Variants in ADPRM observed in about 807,000 individuals in gnomAD.
The protein encoded by ADPRM is ADP-ribose/CDP-alcohol diphosphatase, manganese dependent.
In ADPRM, 17 loss-of-function variants were observed where a neutral mutation model predicts 27.2. The ratio of observed to expected loss-of-function variants is 0.63; its 90% CI spans 0.43 to 0.94. The LOEUF (loss-of-function observed/expected upper bound fraction) is 0.94. Among genes scored for constraint, ADPRM ranks in the 40% least tolerant of loss-of-function variants. The pLI is 0.00. For missense variants in ADPRM, 337 were observed against 412.8 expected (o/e 0.82, Z 1.59); for synonymous variants, 135 against 145.3 (o/e 0.93, Z 0.51).
intron 3 of ADPRM, 63 bp from the exon 4 acceptor site, chr17:10,710,771 T>G: frequency 6.8e-7 from 1 of 1,478,324 alleles, no homozygotes; most frequent in Non-Finnish European, 9.2e-7. Context: ...CTTTTAGCCA[T>G]TTATTTTTAT....
chr17:10,706,592 G>A, intron 3 of ADPRM, 38 bp downstream of exon 3: 1 of 1,421,270 alleles, frequency 7.0e-7, no homozygotes, highest in East Asian at 2.6e-5. Flanking sequence ...TAACATTTTA[G>A]AGATTGGGAA....
chr17:10,699,518 C>CTTTTTTTTTTTTTTTTTTTTTTTT (rs781412834), intron 1 of ADPRM, among the ~76,000 whole-genome samples: 3 of 113,340 alleles, frequency 2.6e-5, no homozygotes, highest in African/African-American at 1.0e-4. Flanking sequence ...TCTTTTCTTT[C>CTTTTTTTTTTTTTTTTTTTTTTTT]TTTTTTTTTT....
In ADPRM at chr17:10,705,494, C is replaced by T; in HGVS notation, c.568C>T (p.His190Tyr). 6.2e-7 allele frequency: 1 copy of T among 1,613,768 alleles called. No homozygotes were observed. ...GCAGTGTATGAAGATATTGAGGGAG[C>T]ACAATCCAAATACGGAACTGAATAG... Reference protein sequence around the residue: ...YEQCMKILREHNPNTELNSPQ... With the variant: ...YEQCMKILREYNPNTELNSPQ... The change falls in exon 2 of 4, where the codon CAC becomes TAC. Residue 190 changes from histidine to tyrosine, a missense_variant. Transcript: ENST00000379774. The surrounding 1 kb of genome is among the most constrained non-coding windows in gnomAD (Gnocchi z 5.4).
Position 10,705,670 on chromosome 17 carries a change from A to G in ADPRM, c.601+143A>G. On this transcript the variant is annotated intron_variant, in intron 2 of 3. Transcript: ENST00000379774. The surrounding 1 kb of genome is among the most constrained non-coding windows in gnomAD (Gnocchi z 5.4). ...CAGGATTTCTCACAAGCCTTCTCAC[A>G]TGGATTGGTTACAGTTGATTCAAGA... The G allele has an allele frequency of 7.7e-7, 1 of 1,293,882 alleles. No homozygotes were observed. The highest frequency in any genetic ancestry group is 1.5e-5 in the South Asian group (1 of 64,718). The allele number at this position is 1,293,882 out of a possible 1,614,324, so 80.2% of individuals were successfully genotyped here.
chr17:10,698,565 A>G (rs1226477886), intron 1 of ADPRM, among the ~76,000 whole-genome samples: 3 of 152,044 alleles, frequency 2.0e-5, no homozygotes, highest in Admixed American at 6.6e-5. Flanking sequence ...CCCCCATGGG[A>G]CCGACTCTGA....
chr17:10,697,595 T>C lies in ADPRM; in HGVS notation c.-90T>C, dbSNP rs2074741827. The C allele has an allele frequency of 2.0e-6, 3 of 1,516,012 alleles. No homozygotes were observed. Among genetic ancestry groups the C allele is most frequent in the Non-Finnish European group, 2.7e-6 (3 of 1,102,500 alleles). The allele number at this position is 1,516,012 out of a possible 1,614,324, so 93.9% of individuals were successfully genotyped here. ...CCGGAAGTCGGAAGGAGTCGCTCTG[T>C]CCGTCCCGCTCGTTGGTGGCGCTGT... is the stretch of plus-strand genomic sequence containing the variant. On this transcript the variant is annotated 5_prime_UTR_variant, in exon 1 of 4. Coordinates refer to ENST00000379774, the MANE Select transcript of ADPRM (RefSeq NM_020233.5).
intron 3 of ADPRM, among the ~76,000 whole-genome samples, chr17:10,708,301 C>T (rs577153887): frequency 1.5e-4 from 22 of 151,580 alleles, no homozygotes; most frequent in Admixed American, 7.2e-4. Context: ...TGGTGGCAGG[C>T]GCCTGTAATC....
In ADPRM at chr17:10,702,968, A is replaced by C. The variant is rs2151462512; in HGVS notation, c.-17-1942A>C. Reference sequence around the variant, plus strand: ...ACATATTATCACCATAAAGGCTCTGAGTTTAAAGATAAAAACAAGCTCACT... The same window carrying C: ...ACATATTATCACCATAAAGGCTCTGCGTTTAAAGATAAAAACAAGCTCACT... On this transcript the variant is annotated intron_variant, in intron 1 of 3. Coordinates refer to ENST00000379774, the MANE Select transcript of ADPRM (RefSeq NM_020233.5). This position sits in a 1 kb window ranked among gnomAD's most constrained non-coding sequence, Gnocchi z 4.2. Among the ~76,000 whole-genome samples the C allele has an allele frequency of 6.6e-6, 1 of 152,314 alleles. No homozygotes were observed. Among genetic ancestry groups the C allele is most frequent in the South Asian group, 2.1e-4 (1 of 4,834 alleles).
rs181054981 is a variant in ADPRM, at chr17:10,708,590, G to T, written c.718+2036G>T. Among the ~76,000 whole-genome samples the T allele has an allele frequency of 2.0e-4, 30 of 152,244 alleles. No individual in the cohort carries two copies. In the East Asian group the frequency reaches 5.2e-3, roughly 26 times the overall value. ...AGCAGAAGTGTTTCTGCTAACACTG[G>T]AATACCAGGTGTCATTCAAGGGTTG... On this transcript the variant is annotated intron_variant, in intron 3 of 3. Coordinates refer to ENST00000379774, the MANE Select transcript of ADPRM (RefSeq NM_020233.5).
At chr17:10,709,248 A>G (rs377171581) in intron 3 of ADPRM, among the ~76,000 whole-genome samples, 70 of 152,266 alleles carry the variant, frequency 4.6e-4, no homozygotes, top group African/African-American at 1.6e-3. Flanking sequence ...TGGAAATAGA[A>G]GTTTCAGATG....
At chr17:10,708,338 A>T (rs1310913730) in intron 3 of ADPRM, among the ~76,000 whole-genome samples, 1 of 146,476 alleles carries the variant, frequency 6.8e-6, no homozygotes, top group African/African-American at 2.5e-5. Context: ...CTGAGGCAGG[A>T]GAATCACCTG....
chr17:10,697,724 G>A (rs532397428), intron 1 of ADPRM, 57 bp downstream of exon 1: 12 of 652,864 alleles, frequency 1.8e-5, no homozygotes, highest in African/African-American at 9.1e-5. Flanking sequence ...GGTGCTGCGG[G>A]GCCGCGGGAC....
chr17:10,698,316 G>C (rs2074749447), intron 1 of ADPRM: 1 of 152,160 alleles, frequency 6.6e-6, no homozygotes, highest in Admixed American at 6.5e-5. Context: ...TCCTCATCTG[G>C]AACTGCTTAT....
intron 3 of ADPRM, among the ~76,000 whole-genome samples, chr17:10,710,617 G>T (rs573951184): frequency 2.0e-5 from 3 of 152,224 alleles, no homozygotes; most frequent in Non-Finnish European, 4.4e-5. Context: ...AGCCTGTCGC[G>T]CCTCATGTGA....
In ADPRM at chr17:10,701,338, T is replaced by C. The variant is rs552774950; in HGVS notation, c.-17-3572T>C. On this transcript the variant is annotated intron_variant, in intron 1 of 3. Coordinates refer to ENST00000379774, the MANE Select transcript of ADPRM (RefSeq NM_020233.5). ...TTTTTAAAAAAACTTTATGTATACTTTTTTTTTTTTGAGATGGAGTCTCGC... is the reference window on the plus strand; with the variant it reads ...TTTTTAAAAAAACTTTATGTATACTCTTTTTTTTTTGAGATGGAGTCTCGC... Among the ~76,000 whole-genome samples the C allele has an allele frequency of 2.6e-4, 35 of 133,256 alleles. No homozygotes were observed. In the South Asian group the frequency reaches 4.0e-3, roughly 15 times the overall value. The allele number at this position is 133,256 out of a possible 152,430, so 87.4% of individuals were successfully genotyped here.
In ADPRM at chr17:10,706,810, C is replaced by G. The variant is rs558540936; in HGVS notation, c.718+256C>G. On this transcript the variant is annotated intron_variant, in intron 3 of 3. Transcript: ENST00000379774. The stretch of plus-strand genomic sequence containing the variant: ...CCTTTTAGGTTCAAAGTCGAATTTC[C>G]TCAAATGAGATCAGTTTATGAAGTA... Among the ~76,000 whole-genome samples, 6 of 152,244 alleles carry G rather than the reference C, an allele frequency of 3.9e-5. No homozygotes were observed. In the South Asian group the frequency reaches 1.2e-3, roughly 32 times the overall value.
At chr17:10,708,010 G>A (rs933799863) in intron 3 of ADPRM, among the ~76,000 whole-genome samples, 2 of 152,138 alleles carry the variant, frequency 1.3e-5, no homozygotes, top group Non-Finnish European at 2.9e-5. Context: ...AGGTGAGAAG[G>A]CTAGACTGAG....
rs757905918 is a variant in ADPRM, at chr17:10,705,569, T to G, written c.601+42T>G. 1.3e-6 allele frequency: 2 copies of G among 1,587,132 alleles called. No homozygotes were observed. Among genetic ancestry groups the G allele is most frequent in the Non-Finnish European group, 8.6e-7 (1 of 1,167,636 alleles). ...AGCTGAGAATCTAATAGATTGTCTT[T>G]AAATTCTTCAGCTACCTTTTATTCA... On this transcript the variant is annotated intron_variant, in intron 2 of 3. Transcript: ENST00000379774. This position sits in a 1 kb window ranked among gnomAD's most constrained non-coding sequence, Gnocchi z 5.4.
chr17:10,697,673 T>G lies in ADPRM; in HGVS notation c.-18+6T>G. ...AGCCCAGGGGCCGGCGCACGGTAGG[T>G]AGTTCCCTGCGGCTGGAGGCGGGTC... On this transcript the variant is annotated splice_donor_region_variant and intron_variant, in intron 1 of 3. Transcript: ENST00000379774. 1.2e-6 allele frequency: 1 copy of G among 854,038 alleles called. No individual in the cohort carries two copies. Among genetic ancestry groups the G allele is most frequent in the Non-Finnish European group, 1.9e-6 (1 of 533,796 alleles). The allele number at this position is 854,038 out of a possible 1,614,324, so 52.9% of individuals were successfully genotyped here. A position where few individuals can be genotyped will look rare whatever the true frequency, so the allele number is the denominator to read the frequency against.
Sources: gnomAD v4.1 joint callset for allele counts (sites outside exome capture counted in the v4.1 genomes callset) on GRCh38, gnomAD v4.1.1 for gene constraint, Gnocchi (gnomAD v3.1) non-coding constraint, MANE v1.5 for transcripts, NCBI Gene and HGNC (gene_info 2026-07-23, HGNC 2026-07-21) for gene names.